The following DPP6 variants were observed in gnomAD, a reference collection of about 807,000 sequenced individuals.
DPP6 encodes the protein dipeptidyl peptidase like 6.
DPP6 carries 69 observed loss-of-function variants against 122.6 expected under a neutral mutation model. The observed-to-expected ratio is 0.56, with a 90% confidence interval of 0.46 to 0.69. The LOEUF is 0.69. Among genes scored for constraint, DPP6 ranks in the 30% least tolerant of loss-of-function variants. The probability of loss-of-function intolerance (pLI) is 0.00; values close to 1 mark genes in which losing one functional copy is unlikely to be tolerated. For synonymous variants in DPP6, 418 were observed against 433.1 expected, an observed-to-expected ratio of 0.97 and a Z score of 0.43; for missense variants, 928 against 1,116.9, an observed-to-expected ratio of 0.83 and a Z score of 2.41.
intron 12 of DPP6, 146 bp from the exon 13 acceptor site, chr7:154,801,209 G>A (rs1326686208): frequency 8.9e-7 from 1 of 1,119,768 alleles, no homozygotes; most frequent in Admixed American, 2.7e-5. Context: ...GAAAGTGACG[G>A]CCTCATCAAG....
intron 1 of DPP6, among the ~76,000 whole-genome samples, chr7:154,343,169 G>A (rs1810078167): frequency 6.6e-6 from 1 of 152,200 alleles, no homozygotes; most frequent in African/African-American, 2.4e-5. Flanking sequence ...TGTTCCCTGA[G>A]TGCCTTGTGT....
intron 2 of DPP6, among the ~76,000 whole-genome samples, chr7:154,459,832 AAAAG>A (rs1239871992): frequency 6.6e-6 from 1 of 150,640 alleles, no homozygotes; most frequent in African/African-American, 2.4e-5. Flanking sequence ...AAAGAAAAGA[AAAAG>A]AAAAGAAAAG....
At chr7:154,263,243 A>G (rs1803153851) in intron 1 of DPP6, among the ~76,000 whole-genome samples, 1 of 152,244 alleles carries the variant, frequency 6.6e-6, no homozygotes, top group Non-Finnish European at 1.5e-5. Flanking sequence ...GTAATGTGAC[A>G]TAGCTTAGTC....
intron 1 of DPP6, among the ~76,000 whole-genome samples, chr7:154,097,600 A>G (rs1053241628): frequency 2.0e-4 from 31 of 152,240 alleles, no homozygotes; most frequent in Non-Finnish European, 3.5e-4. Flanking sequence ...TTAGACACTT[A>G]TATAATAAAT....
At chr7:153,806,736 G>A in the DPP6 span, among the ~76,000 whole-genome samples, 2 of 151,876 alleles carry the variant, frequency 1.3e-5, no homozygotes, top group Non-Finnish European at 2.9e-5. Context: ...TGAAAGTGTT[G>A]TATATTGATG....
chr7:154,804,790 G>T, intron 14 of DPP6, 127 bp from the exon 15 acceptor site: 1 of 1,330,322 alleles, frequency 7.5e-7, no homozygotes. Context: ...ACCTGAACAG[G>T]GGAGCTACTC....
the DPP6 span, among the ~76,000 whole-genome samples, chr7:153,768,938 G>C: frequency 1.3e-5 from 2 of 152,178 alleles, no homozygotes; most frequent in Admixed American, 1.3e-4. Flanking sequence ...AGTAAATAGT[G>C]AAAAGGAAGT....
Position 154,410,497 on chromosome 7 carries a change from C to G in DPP6, c.244-35717C>G, listed in dbSNP as rs573996252. 2.0e-4 allele frequency among the ~76,000 whole-genome samples: 31 copies of G among 152,240 alleles called. 2 individuals are homozygous for G. In the South Asian group the frequency reaches 6.4e-3, roughly 32 times the overall value. ...ATGAAACATTGAGATCTTTTTGATT[C>G]TGTGCATGCATTTGATAGTACACCT... On this transcript the variant is annotated intron_variant, in intron 1 of 25. Transcript: ENST00000377770.
chr7:154,322,308 G>A (rs1808041126), intron 1 of DPP6, among the ~76,000 whole-genome samples: 1 of 152,158 alleles, frequency 6.6e-6, no homozygotes, highest in Non-Finnish European at 1.5e-5. Context: ...GTTTGTAGAA[G>A]CTTGTTCTCC....
intron 1 of DPP6, among the ~76,000 whole-genome samples, chr7:154,407,735 C>A (rs1206312950): frequency 6.6e-6 from 1 of 152,102 alleles, no homozygotes; most frequent in Non-Finnish European, 1.5e-5. Flanking sequence ...AAAGTTTATG[C>A]CCCTTTGAGG....
intron 3 of DPP6, among the ~76,000 whole-genome samples, chr7:154,526,937 A>G (rs149559462): frequency 6.6e-5 from 10 of 152,346 alleles, no homozygotes; most frequent in Admixed American, 5.2e-4. Context: ...TGAAAACACA[A>G]TCACTAATAG....
chr7:154,717,677 G>C (rs1841568077), intron 7 of DPP6, among the ~76,000 whole-genome samples: 2 of 152,120 alleles, frequency 1.3e-5, no homozygotes, highest in African/African-American at 4.8e-5. Flanking sequence ...TCCATGTCTT[G>C]CCTGTTGTGA....
At chr7:154,430,234 T>C (rs1211730380) in intron 1 of DPP6, among the ~76,000 whole-genome samples, 1 of 152,164 alleles carries the variant, frequency 6.6e-6, no homozygotes, top group Non-Finnish European at 1.5e-5. Flanking sequence ...ACGGGGTTAG[T>C]TTAATGATGC....
intron 1 of DPP6, among the ~76,000 whole-genome samples, chr7:153,997,929 G>A (rs1193557244): frequency 6.6e-6 from 1 of 151,768 alleles, no homozygotes; most frequent in Non-Finnish European, 1.5e-5. Context: ...GATGAGGAGT[G>A]TTGATTTCAG....
chr7:154,644,245 A>G (rs535098234), intron 6 of DPP6, among the ~76,000 whole-genome samples: 3 of 152,370 alleles, frequency 2.0e-5, no homozygotes, highest in East Asian at 1.9e-4. Context: ...TCTGGATTCA[A>G]TTAGCAGCCA....
intron 5 of DPP6, among the ~76,000 whole-genome samples, chr7:154,574,801 T>TG (rs1831412295): frequency 3.3e-5 from 3 of 90,074 alleles, no homozygotes; most frequent in South Asian, 4.8e-4. Context: ...GTGGTGTGTG[T>TG]TTGTGTGTGT....
chr7:154,291,279 C>A (rs956104560), intron 1 of DPP6, among the ~76,000 whole-genome samples: 3 of 152,108 alleles, frequency 2.0e-5, no homozygotes, highest in Non-Finnish European at 2.9e-5. Flanking sequence ...TTGCATGAAC[C>A]CCAAAATGCA....
intron 1 of DPP6, among the ~76,000 whole-genome samples, chr7:153,983,020 G>A (rs1166039431): frequency 6.6e-6 from 1 of 152,214 alleles, no homozygotes; most frequent in Non-Finnish European, 1.5e-5. Flanking sequence ...GGAGGTACGG[G>A]GGTGAGGGAC....
chr7:153,846,828 G>A, the DPP6 span, among the ~76,000 whole-genome samples: 1 of 151,534 alleles, frequency 6.6e-6, no homozygotes, highest in East Asian at 1.9e-4. Flanking sequence ...AAGTAGCTGG[G>A]ACTACAGGCA....
Sources: allele counts gnomAD v4.1 joint callset (sites outside exome capture counted in the v4.1 genomes callset), GRCh38; gene constraint gnomAD v4.1.1; transcripts MANE v1.5; gene names NCBI Gene and HGNC (gene_info 2026-07-23, HGNC 2026-07-21).